Variants in CHORDC1 observed in about 807,000 individuals in gnomAD.
CHORDC1 encodes cysteine and histidine-rich domain-containing protein 1.
A neutral mutation model predicts 48.3 loss-of-function variants in CHORDC1; 25 were observed. That is an observed-to-expected ratio of 0.52 (90% CI 0.38 to 0.72). The LOEUF (loss-of-function observed/expected upper bound fraction) is 0.72. Ranked by LOEUF, CHORDC1 falls within the 30% of genes least tolerant of loss-of-function variation. The pLI, the probability that CHORDC1 is intolerant of heterozygous loss-of-function variation, is 0.00. For synonymous variants in CHORDC1, 128 were observed against 126.4 expected, an observed-to-expected ratio of 1.01 and a Z score of -0.09; for missense variants, 317 against 388.7, an observed-to-expected ratio of 0.82 and a Z score of 1.55.
chr11:90,207,232 A>T (rs1200347427), intron 6 of CHORDC1: 1 of 161,572 alleles, frequency 6.2e-6, no homozygotes, highest in Non-Finnish European at 1.4e-5. Flanking sequence ...AAGCAATCAG[A>T]CTATACTAAC....
At chr11:90,206,087 G>C in intron 7 of CHORDC1, 115 bp downstream of exon 7, 1 of 717,324 alleles carries the variant, frequency 1.4e-6, no homozygotes, top group East Asian at 2.6e-5. Flanking sequence ...AGATGTTAAT[G>C]GCAATGTAAG....
At position 90,200,550 on chromosome 11, in the gene CHORDC1, A is replaced by AT. The variant is rs142982606; in HGVS notation, c.*1854dup. On this transcript the variant is annotated 3_prime_UTR_variant, in exon 11 of 11. Coordinates refer to ENST00000320585, the MANE Select transcript of CHORDC1 (RefSeq NM_012124.3). ...GTATGAGTCTAAGAGAAATATTCGG[A>AT]TTTTTATCTGGACAAGAAATTCAAA... Among the ~76,000 whole-genome samples the AT allele has an allele frequency of 0.039, 5,902 of 151,996 alleles. 163 individuals are homozygous for AT. Among genetic ancestry groups the AT allele is most frequent in the Non-Finnish European group, 0.057 (3,889 of 67,816 alleles).
chr11:90,213,975 A>C (rs1191357793), intron 4 of CHORDC1, 43 bp downstream of exon 4: 1 of 1,483,452 alleles, frequency 6.7e-7, no homozygotes, highest in Admixed American at 1.9e-5. Context: ...CACAAGTGCT[A>C]CTATTCAAGT....
intron 5 of CHORDC1, 101 bp from the exon 6 acceptor site, chr11:90,210,695 G>C: frequency 1.0e-4 from 67 of 669,014 alleles, no homozygotes; most frequent in Middle Eastern, 4.4e-4. Flanking sequence ...ATACTTTTTA[G>C]AAAACGACTG....
intron 6 of CHORDC1, 80 bp from the exon 7 acceptor site, chr11:90,206,352 C>T (rs1242515434): frequency 1.3e-6 from 1 of 781,972 alleles, no homozygotes; most frequent in East Asian, 2.5e-5. Context: ...TATTGGTGAC[C>T]TCTACGAACT....
At chr11:90,205,660 G>GT in intron 7 of CHORDC1, 95 bp from the exon 8 acceptor site, 6 of 751,748 alleles carry the variant, frequency 8.0e-6, no homozygotes, top group Admixed American at 5.6e-5. Flanking sequence ...TAATAAGCCA[G>GT]TAAGTGTACA....
At chr11:90,215,699 C>A (rs1213264004) in intron 2 of CHORDC1, among the ~76,000 whole-genome samples, 2 of 151,982 alleles carry the variant, frequency 1.3e-5, no homozygotes, top group Admixed American at 1.3e-4. Flanking sequence ...ATTAACACAG[C>A]AGCTAAAGCA....
At chr11:90,213,116 G>A (rs1441412069) in intron 4 of CHORDC1, 3 of 306,122 alleles carry the variant, frequency 9.8e-6, no homozygotes, top group African/African-American at 6.4e-5. Context: ...CTATGAAGAT[G>A]GAGAGAGAAT....
intron 1 of CHORDC1, among the ~76,000 whole-genome samples, chr11:90,220,972 C>T (rs992572900): frequency 6.6e-6 from 1 of 151,954 alleles, no homozygotes; most frequent in African/African-American, 2.4e-5. Context: ...CACCCTTTAA[C>T]TTCAGTTACA....
rs1191216743 is a variant in CHORDC1 at position 90,215,224 on chromosome 11, A to C, written c.121T>G (p.Ser41Ala). 1 of 1,559,128 alleles carries C rather than the reference A, an allele frequency of 6.4e-7. No individual in the cohort carries two copies. Among genetic ancestry groups the C allele is most frequent in the Non-Finnish European group, 8.7e-7 (1 of 1,147,368 alleles). ...TCAGTTGTTCTTCTCTTACAGCAAG[A>C]CCAACCCTATGAAAAACAAGAGAAG... ...PVFHDALKGW[S>A]CCKRRTTDFS... The change falls in exon 3 of 11, where the codon TCT (serine) becomes GCT (alanine). Residue 41 changes from serine (S) to alanine (A), a missense_variant. Transcript: ENST00000320585.
Position 90,223,017 on chromosome 11 carries a change from C to G in CHORDC1, c.-63G>C, listed in dbSNP as rs1858222535. On this transcript the variant is annotated 5_prime_UTR_variant, in exon 1 of 11. Coordinates refer to ENST00000320585, the MANE Select transcript of CHORDC1 (RefSeq NM_012124.3). ...GGGAACGGCAAGAGGATGCGTTTGCCACTCCCGTGTCGCTAGCACCGGTCT... is the reference window on the plus strand; with the variant it reads ...GGGAACGGCAAGAGGATGCGTTTGCGACTCCCGTGTCGCTAGCACCGGTCT... The G allele has an allele frequency of 1.4e-6, 2 of 1,414,646 alleles. No homozygotes were observed. Among genetic ancestry groups the G allele is most frequent in the East Asian group, 4.6e-5 (2 of 43,554 alleles). 87.6% of individuals were successfully genotyped at this position (1,414,646 alleles called of 1,614,324 possible).
At position 90,203,209 on chromosome 11, in the gene CHORDC1, C is replaced by T; in HGVS notation, c.789+99G>A. The T allele has an allele frequency of 6.0e-6, 7 of 1,159,350 alleles. No homozygotes were observed. The South Asian group carries it at 1.2e-4, about 20-fold the overall frequency. The allele number at this position is 1,159,350 out of a possible 1,614,324, so 71.8% of individuals were successfully genotyped here. ...ATGGGAGTCATTATAAAATCTTACC[C>T]CCAAATCAGCTGAGATATAAACAAT... On this transcript the variant is annotated intron_variant, in intron 9 of 10. Coordinates refer to ENST00000320585, the MANE Select transcript of CHORDC1 (RefSeq NM_012124.3).
intron 2 of CHORDC1, among the ~76,000 whole-genome samples, chr11:90,215,516 CT>C (rs150851038): frequency 1.3e-4 from 19 of 150,656 alleles, no homozygotes; most frequent in South Asian, 6.3e-4. Flanking sequence ...ATCGTGTCTG[CT>C]TTTTTTTTAG....
At chr11:90,213,588 T>TA (rs1353904549) in intron 4 of CHORDC1, 5 of 477,998 alleles carry the variant, frequency 1.0e-5, no homozygotes, top group Non-Finnish European at 1.5e-5. Flanking sequence ...AATTGACCAG[T>TA]AGTAATGAGA....
Position 90,203,388 on chromosome 11 carries a change from T to C in CHORDC1, c.709A>G (p.Thr237Ala). 6.3e-7 allele frequency: 1 copy of C among 1,597,290 alleles called. No individual in the cohort carries two copies. ...VVPCRHDWHQ[T>A]GGEVTISVYA... Reference sequence around the variant, plus strand: ...ACTGAAATGGTAACTTCACCTCCAGTCTGATGCCAGTCATGTCTACATGGA... The same window carrying C: ...ACTGAAATGGTAACTTCACCTCCAGCCTGATGCCAGTCATGTCTACATGGA... Residue 237 changes from threonine to alanine, a missense_variant, in exon 9 of 11, where the codon ACT (threonine) becomes GCT (alanine). Physicochemically the swap from Thr to Ala is moderately conservative, Grantham distance 58. Coordinates refer to ENST00000320585, the MANE Select transcript of CHORDC1 (RefSeq NM_012124.3).
intron 6 of CHORDC1, chr11:90,208,969 C>G (rs955569642): frequency 2.0e-5 from 3 of 152,082 alleles, no homozygotes; most frequent in Non-Finnish European, 4.4e-5. Flanking sequence ...AAATTTGTAC[C>G]ATTACATAAT....
chr11:90,202,595 A>G (rs1234708575), intron 10 of CHORDC1, 44 bp from the exon 11 acceptor site: 1 of 1,595,500 alleles, frequency 6.3e-7, no homozygotes, highest in Admixed American at 1.7e-5. Flanking sequence ...CAGTAGTTTT[A>G]TTAGTCTCAG....
intron 8 of CHORDC1, among the ~76,000 whole-genome samples, chr11:90,204,096 AG>A (rs1458610811): frequency 6.6e-6 from 1 of 152,154 alleles, no homozygotes; most frequent in Non-Finnish European, 1.5e-5. Flanking sequence ...CTGTTGTAAA[AG>A]GTACTATTTT....
chr11:90,213,452 G>T, intron 4 of CHORDC1: 1 of 691,720 alleles, frequency 1.4e-6, no homozygotes, highest in Non-Finnish European at 2.6e-6. Context: ...ATATACATGT[G>T]TGGGAATACA....
Sources: gnomAD v4.1 joint callset for allele counts (sites outside exome capture counted in the v4.1 genomes callset) on GRCh38, gnomAD v4.1.1 for gene constraint, MANE v1.5 for transcripts, NCBI Gene and HGNC (gene_info 2026-07-23, HGNC 2026-07-21) for gene names.